PDS5B: variants seen among roughly 807,000 people sequenced by gnomAD.
The protein encoded by PDS5B is sister chromatid cohesion protein PDS5 homolog B.
Under a neutral mutation model 184.1 loss-of-function variants are expected in PDS5B, and 51 were observed. That is an observed-to-expected ratio of 0.28 (90% confidence interval 0.22 to 0.35). The LOEUF is 0.35. Among genes scored for constraint, PDS5B ranks in the 10% least tolerant of loss-of-function variants. The pLI is 1.00. For missense variants in PDS5B, 1,180 were observed against 1,723.3 expected, an observed-to-expected ratio of 0.68 and a Z score of 5.58; for synonymous variants, 566 against 569.2, an observed-to-expected ratio of 0.99 and a Z score of 0.08.
At chr13:32,675,579 A>G (rs981733947) in intron 8 of PDS5B, among the ~76,000 whole-genome samples, 1 of 152,166 alleles carries the variant, frequency 6.6e-6, no homozygotes, top group Non-Finnish European at 1.5e-5. Flanking sequence ...TAATTGTAGG[A>G]GGGGCCTCTA....
chr13:32,599,518 G>GTGAAACCCCGTCTACTAAAAATA, intron 1 of PDS5B, among the ~76,000 whole-genome samples: 1 of 152,106 alleles, frequency 6.6e-6, no homozygotes, highest in South Asian at 2.1e-4. Context: ...CCCGCCTTGG[G>GTGAAACCCCGTCTACTAAAAATA]CTCCCAAAGT....
chr13:32,680,686 C>T lies in PDS5B; in HGVS notation c.1057+1757C>T, dbSNP rs141720544. On this transcript the variant is annotated intron_variant, in intron 10 of 34. Coordinates refer to ENST00000315596, the MANE Select transcript of PDS5B (RefSeq NM_015032.4). ...GATGGATTTCTCAAACAGCCTTCACCCAGTCCTTCCTTCTCTTCCTTGTTT... is the reference window on the plus strand; with the variant it reads ...GATGGATTTCTCAAACAGCCTTCACTCAGTCCTTCCTTCTCTTCCTTGTTT... Among the ~76,000 whole-genome samples, 4 of 152,252 alleles carry T rather than the reference C, an allele frequency of 2.6e-5. No individual in the cohort carries two copies. The East Asian group carries it at 7.7e-4, about 29-fold the overall frequency.
intron 24 of PDS5B, 59 bp from the exon 25 acceptor site, chr13:32,753,273 T>C: frequency 1.4e-6 from 2 of 1,389,004 alleles, no homozygotes; most frequent in Non-Finnish European, 2.0e-6. Flanking sequence ...ATTTTATATC[T>C]GAAGTTGTTA....
At position 32,699,827 on chromosome 13, in the gene PDS5B, T is replaced by G; in HGVS notation, c.1698T>G (p.Leu566=). ...AAATAAGAAAGCAGTTAGAAGTACT[T>G]GTTAGTCCAACATGCTCCTGCAAGC... ...DEKIRKQLEV[L]VSPTCSCKQA... is the part of the protein sequence containing the mutation. Residue 566 remains leucine, a synonymous_variant, in exon 16 of 35, where the codon CTT becomes CTG. Transcript: ENST00000315596. 2.5e-6 allele frequency: 4 copies of G among 1,579,352 alleles called. No homozygotes were observed. The highest frequency in any genetic ancestry group is 3.4e-6 in the Non-Finnish European group (4 of 1,166,286).
chr13:32,734,514 A>T (rs1953249646), intron 20 of PDS5B, among the ~76,000 whole-genome samples: 2 of 152,130 alleles, frequency 1.3e-5, no homozygotes. Flanking sequence ...AAGTGACTAG[A>T]TGTAGTAAAA....
chr13:32,718,887 TG>T (rs1376238702), intron 19 of PDS5B, among the ~76,000 whole-genome samples: 1 of 152,166 alleles, frequency 6.6e-6, no homozygotes. Flanking sequence ...TAATGGTGGA[TG>T]GGGGGATATA....
At chr13:32,728,456 C>G (rs1249079992) in intron 19 of PDS5B, among the ~76,000 whole-genome samples, 2 of 91,450 alleles carry the variant, frequency 2.2e-5, no homozygotes. Context: ...GTTTTTCCTC[C>G]TAACACGATT....
chr13:32,689,691 G>A (rs1027774511), intron 13 of PDS5B: 2 of 152,098 alleles, frequency 1.3e-5, no homozygotes, highest in Non-Finnish European at 2.9e-5. Flanking sequence ...TGGTTCCAAA[G>A]CTTGTTCTTT....
intron 6 of PDS5B, among the ~76,000 whole-genome samples, chr13:32,662,175 A>G (rs1950668267): frequency 6.6e-6 from 1 of 152,160 alleles, no homozygotes. Context: ...AAAGAAAACC[A>G]AGATAGCTTA....
chr13:32,609,573 G>A (rs1483008227), intron 1 of PDS5B, among the ~76,000 whole-genome samples: 2 of 152,174 alleles, frequency 1.3e-5, no homozygotes, highest in African/African-American at 4.8e-5. Context: ...ACCATTAGCA[G>A]TCTTGCCTGG....
At chr13:32,609,910 A>C (rs1010766493) in intron 1 of PDS5B, among the ~76,000 whole-genome samples, 2 of 152,156 alleles carry the variant, frequency 1.3e-5, no homozygotes, top group South Asian at 2.1e-4. Flanking sequence ...GAAAAAAAAA[A>C]AACAAAAAAA....
At chr13:32,769,776 A>G (rs1266079940) in intron 31 of PDS5B, among the ~76,000 whole-genome samples, 1 of 152,186 alleles carries the variant, frequency 6.6e-6, no homozygotes, top group African/African-American at 2.4e-5. Context: ...ATACTTTAGT[A>G]TAGTTGTCAT....
At chr13:32,650,035 TAATCTTG>T (rs1202567260) in intron 2 of PDS5B, 6 of 152,222 alleles carry the variant, frequency 3.9e-5, no homozygotes, top group Non-Finnish European at 7.4e-5. Flanking sequence ...GTTGAGAAAC[TAATCTTG>T]AACTCAGAGC....
chr13:32,770,797 A>C (rs1233607968), intron 33 of PDS5B, 36 bp downstream of exon 33: 1 of 1,489,014 alleles, frequency 6.7e-7, no homozygotes, highest in African/African-American at 1.4e-5. Flanking sequence ...ACCAATTTCA[A>C]ATTATTTTGC....
chr13:32,664,881 G>T (rs1461244030), intron 6 of PDS5B, among the ~76,000 whole-genome samples: 2 of 152,004 alleles, frequency 1.3e-5, no homozygotes, highest in African/African-American at 4.8e-5. Context: ...AAAAGAAAGT[G>T]ATAGCATGTG....
Position 32,716,700 on chromosome 13 carries a change from G to A in PDS5B, c.2123+6594G>A, listed in dbSNP as rs1280218582. Among the ~76,000 whole-genome samples the A allele has an allele frequency of 6.7e-3, 854 of 127,428 alleles. 23 individuals are homozygous for A. Among genetic ancestry groups the A allele is most frequent in the South Asian group, 0.02 (72 of 3,524 alleles). 83.6% of individuals were successfully genotyped at this position (127,428 alleles called of 152,430 possible). ...AGCCCCCCGCCCGGCCAGCTGCCCC[G>A]TTTGGGAGGTGAGGGGCGCTTTTGC... On this transcript the variant is annotated intron_variant, in intron 19 of 34. Coordinates refer to ENST00000315596, the MANE Select transcript of PDS5B (RefSeq NM_015032.4).
intron 6 of PDS5B, 134 bp downstream of exon 6, chr13:32,659,414 A>G (rs1019975017): frequency 2.1e-5 from 11 of 523,742 alleles, no homozygotes; most frequent in African/African-American, 3.9e-5. Flanking sequence ...ATATTAATAC[A>G]TATTTATTGT....
At chr13:32,631,449 T>C (rs1158403894) in intron 1 of PDS5B, among the ~76,000 whole-genome samples, 1 of 152,216 alleles carries the variant, frequency 6.6e-6, no homozygotes, top group Non-Finnish European at 1.5e-5. Flanking sequence ...TTGTTGTCTG[T>C]TTTCCTTCAA....
At chr13:32,732,292 A>G in intron 20 of PDS5B, 68 bp downstream of exon 20, 1 of 1,130,800 alleles carries the variant, frequency 8.8e-7, no homozygotes, top group Non-Finnish European at 1.3e-6. Context: ...TGATGATTTT[A>G]TGGAATGTTC....
Sources: allele counts gnomAD v4.1 joint callset (sites outside exome capture counted in the v4.1 genomes callset), GRCh38; gene constraint gnomAD v4.1.1; transcripts MANE v1.5; gene names NCBI Gene and HGNC (gene_info 2026-07-23, HGNC 2026-07-21).